Variants in NLGN1 observed in about 807,000 individuals in gnomAD.
NLGN1 encodes the protein neuroligin 1.
In NLGN1, 12 loss-of-function variants were observed where a neutral mutation model predicts 65.5. The observed-to-expected ratio is 0.18, with a 90% CI of 0.12 to 0.30. NLGN1 has a LOEUF of 0.30. Among genes scored for constraint, NLGN1 ranks in the 10% least tolerant of loss-of-function variants. The probability of loss-of-function intolerance (pLI) is 1.00; values close to 1 mark genes in which losing one functional copy is unlikely to be tolerated. For missense variants in NLGN1, 750 were observed against 1,007.1 expected, an observed-to-expected ratio of 0.74 and a Z score of 3.46; for synonymous variants, 350 against 359.5, an observed-to-expected ratio of 0.97 and a Z score of 0.30.
In NLGN1 at chr3:174,279,642, T is replaced by C; in HGVS notation, c.1641T>C (p.Ala547=). The stretch of plus-strand genomic sequence containing the variant: ...TAATGACATACTGGACAAATTTTGC[T>C]AAAACTGGGTATGTACCTAAGGAAT... Residue 547 remains alanine (A), a synonymous_variant, in exon 6 of 7, where the codon GCT becomes GCC. Coordinates refer to ENST00000457714, the Ensembl canonical transcript of NLGN1. The surrounding 1 kb of genome is among the most constrained non-coding windows in gnomAD (Gnocchi z 4.7). The C allele has an allele frequency of 3.1e-6, 5 of 1,594,050 alleles. No individual in the cohort carries two copies. The highest frequency in any genetic ancestry group is 4.3e-6 in the Non-Finnish European group (5 of 1,164,936).
chr3:174,009,529 T>C (rs1261897063), intron 4 of NLGN1, among the ~76,000 whole-genome samples: 1 of 152,158 alleles, frequency 6.6e-6, no homozygotes, highest in Non-Finnish European at 1.5e-5. Context: ...TACATCCCTG[T>C]GCCAAGTTCA....
rs375508137 is a variant in NLGN1, at chr3:173,538,477, A to G, written c.-320-65802A>G. Among the ~76,000 whole-genome samples the G allele has an allele frequency of 1.1e-4, 17 of 152,338 alleles. 1 individual carries two copies. Among genetic ancestry groups the G allele is most frequent in the Admixed American group, 2.0e-4 (3 of 15,286 alleles). ...TAAGTCATTGGATGATAGCTTTGGT[A>G]GAAACGTTATGCGCAGAGAAGGCAA... is the stretch of plus-strand genomic sequence containing the variant. On this transcript the variant is annotated intron_variant, in intron 2 of 6. Transcript: ENST00000457714.
chr3:174,071,698 C>A (rs530308134), intron 4 of NLGN1, among the ~76,000 whole-genome samples: 3 of 148,442 alleles, frequency 2.0e-5, no homozygotes, highest in Non-Finnish European at 4.4e-5. Flanking sequence ...ACAGCGAGAC[C>A]CTTTGCGAGA....
At chr3:173,701,263 C>T (rs1258044414) in intron 3 of NLGN1, among the ~76,000 whole-genome samples, 1 of 152,206 alleles carries the variant, frequency 6.6e-6, no homozygotes, top group African/African-American at 2.4e-5. Flanking sequence ...GCAAAAGGAA[C>T]TTTACAGATG....
At chr3:173,578,213 G>T (rs1276182040) in intron 2 of NLGN1, among the ~76,000 whole-genome samples, 1 of 148,752 alleles carries the variant, frequency 6.7e-6, no homozygotes, top group Non-Finnish European at 1.5e-5. Context: ...TCCAGCCTGG[G>T]CGACAGGGCC....
chr3:173,421,775 C>T, intron 1 of NLGN1, among the ~76,000 whole-genome samples: 1 of 152,070 alleles, frequency 6.6e-6, no homozygotes, highest in South Asian at 2.1e-4. Context: ...CCCGCCTCAG[C>T]CTCCTAAAGT....
At chr3:173,781,152 A>AAAAAAAAAAAAAAAAAT (rs10629090) in intron 3 of NLGN1, among the ~76,000 whole-genome samples, 1 of 150,848 alleles carries the variant, frequency 6.6e-6, no homozygotes, top group African/African-American at 2.4e-5. Context: ...CTCAAAAAAA[A>AAAAAAAAAAAAAAAAAT]AAAAGTAAAT....
intron 3 of NLGN1, among the ~76,000 whole-genome samples, chr3:173,692,560 T>C (rs1435446473): frequency 6.6e-6 from 1 of 152,086 alleles, no homozygotes; most frequent in East Asian, 1.9e-4. Flanking sequence ...ATTGGACTTA[T>C]CTAATACCTG....
intron 4 of NLGN1, among the ~76,000 whole-genome samples, chr3:174,150,879 A>G (rs114826935): frequency 1.4e-3 from 215 of 152,218 alleles, no homozygotes; most frequent in Middle Eastern, 6.8e-3. Context: ...TTAGTCCTGT[A>G]GCATGCTGGT....
intron 1 of NLGN1, among the ~76,000 whole-genome samples, chr3:173,429,641 A>G (rs1716825297): frequency 6.6e-6 from 1 of 152,178 alleles, no homozygotes; most frequent in African/African-American, 2.4e-5. Context: ...TAGAGTATGT[A>G]TGACTAGAAG....
chr3:173,416,726 T>C (rs1713868070), intron 1 of NLGN1, among the ~76,000 whole-genome samples: 1 of 152,132 alleles, frequency 6.6e-6, no homozygotes, highest in African/African-American at 2.4e-5. Context: ...GGGAGACATA[T>C]AGTTGCAAAT....
chr3:173,997,421 G>C (rs1336299702), intron 4 of NLGN1, among the ~76,000 whole-genome samples: 1 of 152,106 alleles, frequency 6.6e-6, no homozygotes, highest in South Asian at 2.1e-4. Flanking sequence ...TTTTGAGCTG[G>C]ATGGAACATC....
At chr3:173,932,354 C>T (rs770329463) in intron 4 of NLGN1, among the ~76,000 whole-genome samples, 18 of 152,062 alleles carry the variant, frequency 1.2e-4, no homozygotes, top group Non-Finnish European at 1.5e-4. Flanking sequence ...TCTTTCATAT[C>T]GTGTTATCAC....
intron 4 of NLGN1, among the ~76,000 whole-genome samples, chr3:173,815,189 C>T (rs2150498458): frequency 6.6e-6 from 1 of 151,196 alleles, no homozygotes; most frequent in South Asian, 2.1e-4. Flanking sequence ...TGGCTCACTG[C>T]AACCTCCGCC....
At chr3:173,601,208 C>T (rs906106185) in intron 2 of NLGN1, among the ~76,000 whole-genome samples, 2 of 151,912 alleles carry the variant, frequency 1.3e-5, no homozygotes, top group Admixed American at 6.6e-5. Context: ...ATTTTCTGGC[C>T]TTCTTATTTT....
intron 2 of NLGN1, among the ~76,000 whole-genome samples, chr3:173,540,929 G>T (rs1738759256): frequency 1.3e-5 from 2 of 151,956 alleles, no homozygotes; most frequent in African/African-American, 4.8e-5. Flanking sequence ...TCTGCTCTTG[G>T]CACCCAACCC....
chr3:174,229,791 C>A (rs1055249071), intron 4 of NLGN1, among the ~76,000 whole-genome samples: 3 of 152,134 alleles, frequency 2.0e-5, no homozygotes, highest in African/African-American at 4.8e-5. Context: ...GAAATAATTT[C>A]TTTTGGTGGG....
At chr3:173,454,420 A>G (rs903966854) in intron 2 of NLGN1, among the ~76,000 whole-genome samples, 4 of 152,084 alleles carry the variant, frequency 2.6e-5, no homozygotes, top group African/African-American at 9.7e-5. Flanking sequence ...AAATTCCTAG[A>G]TGGTATCATC....
chr3:173,883,970 C>A (rs1733843070), intron 4 of NLGN1, among the ~76,000 whole-genome samples: 2 of 151,706 alleles, frequency 1.3e-5, no homozygotes. Flanking sequence ...TAGTACTGTT[C>A]AACCATAATA....
Sources: allele counts gnomAD v4.1 joint callset (sites outside exome capture counted in the v4.1 genomes callset), GRCh38; gene constraint gnomAD v4.1.1; non-coding constraint Gnocchi (gnomAD v3.1); transcripts MANE v1.5; gene names NCBI Gene and HGNC (gene_info 2026-07-23, HGNC 2026-07-21).